TMEM252: variants seen among roughly 807,000 people sequenced by gnomAD.
TMEM252 encodes the protein transmembrane protein 252.
In TMEM252, 4 loss-of-function variants were observed where a neutral mutation model predicts 6.4. The observed-to-expected ratio is 0.62, with a 90% CI of 0.31 to 1.43. TMEM252 has a LOEUF of 1.43. Ranked by LOEUF, TMEM252 falls within the 40% of genes most tolerant of loss-of-function variation. TMEM252 has a pLI of 0.07. For missense variants in TMEM252, 207 were observed against 209.4 expected, an observed-to-expected ratio of 0.99 and a Z score of 0.07; for synonymous variants, 85 against 82.5, an observed-to-expected ratio of 1.03 and a Z score of -0.17.
rs1387031836 is a variant in TMEM252, at chr9:68,540,758, C to T, written c.57G>A (p.Leu19=). 1.2e-6 allele frequency: 2 copies of T among 1,614,014 alleles called. No homozygotes were observed. The highest frequency in any genetic ancestry group is 1.3e-5 in the African/African-American group (1 of 74,918). The change falls in exon 1 of 2, where the codon CTG becomes CTA. Residue 19 remains leucine (L), a synonymous_variant. Transcript: ENST00000377311. The part of the protein sequence containing the change: ...LCALALLMGF[L]MVCLGAFFIS... The stretch of plus-strand genomic sequence containing the variant: ...TGAAGAAGGCCCCCAGGCAGACCAT[C>T]AGGAAACCCATCAGGAGGGCAAGAG...
At chr9:68,538,051 A>G (rs1174158865) in intron 1 of TMEM252, among the ~76,000 whole-genome samples, 2 of 152,278 alleles carry the variant, frequency 1.3e-5, no homozygotes, top group Non-Finnish European at 2.9e-5. Context: ...AAGAAAATAT[A>G]CAAACATATT....
At chr9:68,539,763 C>T (rs1174520839) in intron 1 of TMEM252, among the ~76,000 whole-genome samples, 1 of 152,212 alleles carries the variant, frequency 6.6e-6, no homozygotes, top group Non-Finnish European at 1.5e-5. Flanking sequence ...TGAATCCCTG[C>T]TTTCAGTTCC....
In TMEM252 at chr9:68,540,582, C is replaced by T. The variant is rs149284535; in HGVS notation, c.233G>A (p.Arg78Gln). 62 of 1,614,178 alleles carry T rather than the reference C, an allele frequency of 3.8e-5. 1 individual carries two copies. Among genetic ancestry groups the T allele is most frequent in the East Asian group, 2.2e-4 (10 of 44,884 alleles). The change falls in exon 1 of 2, where the codon CGA becomes CAA. Residue 78 changes from arginine to glutamine, a missense_variant. Arg to Gln is a conservative substitution (Grantham distance 43). Transcript: ENST00000377311. ...CAGGGCCCCATGAGCAAGGTGTTGT[C>T]GGAGCATGTGCCTCAACACTCCTTT... is the stretch of plus-strand genomic sequence containing the variant. ...ESKGVLRHML[R>Q]QHLAHGALPV...
At chr9:68,537,950 G>T (rs1247823776) in intron 1 of TMEM252, among the ~76,000 whole-genome samples, 1 of 152,150 alleles carries the variant, frequency 6.6e-6, no homozygotes, top group Non-Finnish European at 1.5e-5. Context: ...ACAAAATAAT[G>T]AATGAAAACC....
Position 68,540,674 on chromosome 9 carries a change from C to T in TMEM252, c.141G>A (p.Leu47=), listed in dbSNP as rs776348416. The change falls in exon 1 of 2, where the codon CTG becomes CTA. Residue 47 remains leucine, a synonymous_variant. Coordinates refer to ENST00000377311, the MANE Select transcript of TMEM252 (RefSeq NM_153237.2). The stretch of plus-strand genomic sequence containing the variant: ...TCAGAAGGATCACAAACCCCAGAGG[C>T]AGAAGCAAATAGGCCGCAATCAGGC... ...QGSLIAAYLL[L]PLGFVILLSG... The T allele has an allele frequency of 1.9e-5, 31 of 1,614,034 alleles. No homozygotes were observed. Among genetic ancestry groups the T allele is most frequent in the Non-Finnish European group, 2.5e-5 (29 of 1,180,024 alleles).
Position 68,540,625 on chromosome 9 carries a change from G to A in TMEM252, c.190C>T (p.Arg64Cys), listed in dbSNP as rs533109920. The change falls in exon 1 of 2, where the codon CGC becomes TGC. Residue 64 changes from arginine (R) to cysteine (C), a missense_variant. Coordinates refer to ENST00000377311, the MANE Select transcript of TMEM252 (RefSeq NM_153237.2). ...ACTCCTTTGCTTTCAGTCACCTGGC[G>A]ATAGTTGCTCCAGAAAATTCCACTC... ...LLSGIFWSNY[R>C]QVTESKGVLR... 16 of 1,614,192 alleles carry A rather than the reference G, an allele frequency of 9.9e-6. No individual in the cohort carries two copies. Among genetic ancestry groups the A allele is most frequent in the Admixed American group, 1.7e-5 (1 of 60,022 alleles).
chr9:68,540,339 G>T (rs9792546), intron 1 of TMEM252, among the ~76,000 whole-genome samples, 198 bp downstream of exon 1: 2 of 152,274 alleles, frequency 1.3e-5, no homozygotes, highest in African/African-American at 4.8e-5. Flanking sequence ...TTGCCCCTGC[G>T]TCATGGTTTT....
chr9:68,537,722 T>C (rs752427542), intron 1 of TMEM252, among the ~76,000 whole-genome samples: 5 of 152,260 alleles, frequency 3.3e-5, no homozygotes, highest in African/African-American at 9.6e-5. Context: ...TCACATTTTT[T>C]TCCCAGTGGG....
At chr9:68,538,083 T>G (rs1825163015) in intron 1 of TMEM252, among the ~76,000 whole-genome samples, 1 of 152,256 alleles carries the variant, frequency 6.6e-6, no homozygotes, top group Non-Finnish European at 1.5e-5. Context: ...TGATATCAAC[T>G]GACAACTTTA....
intron 1 of TMEM252, among the ~76,000 whole-genome samples, chr9:68,540,153 A>G (rs1462272102): frequency 6.6e-6 from 1 of 152,202 alleles, no homozygotes; most frequent in Non-Finnish European, 1.5e-5. Context: ...TGTGTGGCAG[A>G]ATTTGGTCTG....
chr9:68,540,442 G>T, intron 1 of TMEM252, 95 bp downstream of exon 1: 1 of 1,533,836 alleles, frequency 6.5e-7, no homozygotes. Flanking sequence ...CATGGGACAT[G>T]TAAGTCGCTC....
intron 1 of TMEM252, 137 bp from the exon 2 acceptor site, chr9:68,537,630 C>T: frequency 1.5e-6 from 1 of 667,502 alleles, no homozygotes; most frequent in East Asian, 3.3e-5. Context: ...AGATGTACTT[C>T]TTCCTGGCAT....
intron 1 of TMEM252, among the ~76,000 whole-genome samples, chr9:68,537,991 A>C (rs1825162056): frequency 2.6e-5 from 4 of 152,242 alleles, no homozygotes; most frequent in Non-Finnish European, 4.4e-5. Flanking sequence ...ACTATACCAG[A>C]TGCCATGTCT....
At chr9:68,539,217 A>G (rs1825174725) in intron 1 of TMEM252, among the ~76,000 whole-genome samples, 1 of 152,218 alleles carries the variant, frequency 6.6e-6, no homozygotes, top group Non-Finnish European at 1.5e-5. Context: ...TATCTTGAGA[A>G]TGATGCCTAG....
At chr9:68,539,023 T>C (rs1208466966) in intron 1 of TMEM252, among the ~76,000 whole-genome samples, 1 of 152,254 alleles carries the variant, frequency 6.6e-6, no homozygotes, top group Non-Finnish European at 1.5e-5. Flanking sequence ...TGCTGGTTAG[T>C]ATAACATTGG....
chr9:68,537,201 T>G lies in TMEM252; in HGVS notation c.*58A>C. On this transcript the variant is annotated 3_prime_UTR_variant, in exon 2 of 2. Coordinates refer to ENST00000377311, the MANE Select transcript of TMEM252 (RefSeq NM_153237.2). ...CCCACAGTCCCTCGTTTGCCTTTAT[T>G]ATCAGTAGCTGCTCCCCACAGTGGT... 1 of 1,484,090 alleles carries G rather than the reference T, an allele frequency of 6.7e-7. No individual in the cohort carries two copies. Among genetic ancestry groups the G allele is most frequent in the Non-Finnish European group, 9.2e-7 (1 of 1,085,342 alleles). The allele number at this position is 1,484,090 out of a possible 1,614,324, so 91.9% of individuals were successfully genotyped here. A position where few individuals can be genotyped will look rare whatever the true frequency, so the allele number is the denominator to read the frequency against.
In TMEM252 at chr9:68,540,487, A is replaced by C. The variant is rs758648321; in HGVS notation, c.278+50T>G. On this transcript the variant is annotated intron_variant, in intron 1 of 1. Transcript: ENST00000377311. ...ATCAGAAATTACTCAGATCTTACAC[A>C]ACTCAGCCCATCTCAGCCCTTCTTG... 10 of 1,603,982 alleles carry C rather than the reference A, an allele frequency of 6.2e-6. No homozygotes were observed. The African/African-American group carries it at 1.2e-4, about 19-fold the overall frequency.
At chr9:68,540,265 G>A (rs1013319293) in intron 1 of TMEM252, among the ~76,000 whole-genome samples, 3 of 152,176 alleles carry the variant, frequency 2.0e-5, no homozygotes, top group African/African-American at 7.2e-5. Context: ...AAAAGAGCCT[G>A]GGTTTCTAAA....
intron 1 of TMEM252, among the ~76,000 whole-genome samples, chr9:68,538,426 A>G (rs182788291): frequency 2.0e-5 from 3 of 152,366 alleles, no homozygotes; most frequent in East Asian, 1.9e-4. Flanking sequence ...GCTGTCTACT[A>G]TAAGGCATAA....
Sources: allele counts gnomAD v4.1 joint callset (sites outside exome capture counted in the v4.1 genomes callset), GRCh38; gene constraint gnomAD v4.1.1; transcripts MANE v1.5; gene names NCBI Gene and HGNC (gene_info 2026-07-23, HGNC 2026-07-21).